The following SMCO2 variants were observed in gnomAD, a reference collection of about 807,000 sequenced individuals.
SMCO2 encodes single-pass membrane and coiled-coil domain-containing protein 2.
In SMCO2, 25 loss-of-function variants were observed where a neutral mutation model predicts 29.5. The ratio of observed to expected loss-of-function variants is 0.85; its 90% CI spans 0.62 to 1.18. The LOEUF is 1.18. SMCO2 is among the 50% of genes most tolerant of loss of function. The pLI is 0.00. For missense variants in SMCO2, 348 were observed against 344.5 expected, an observed-to-expected ratio of 1.01 and a Z score of -0.08; for synonymous variants, 117 against 123.3, an observed-to-expected ratio of 0.95 and a Z score of 0.34.
At chr12:27,464,649 C>G (rs1200176847), upstream of SMCO2, among the ~76,000 whole-genome samples, 1 of 139,696 alleles carries the variant, frequency 7.2e-6, no homozygotes, top group Non-Finnish European at 1.5e-5. Context: ...CCCAGGAGGT[C>G]GAACCTGCAA....
At chr12:27,435,317 C>A in the SMCO2 span, among the ~76,000 whole-genome samples, 1 of 108,044 alleles carries the variant, frequency 9.3e-6, no homozygotes, top group African/African-American at 3.6e-5. Context: ...ATTGTGACAA[C>A]CAAAAATGTC....
chr12:27,437,250 G>A, the SMCO2 span, among the ~76,000 whole-genome samples: 2 of 152,060 alleles, frequency 1.3e-5, no homozygotes, highest in African/African-American at 4.8e-5. Flanking sequence ...CAGCCTGGGT[G>A]ACAGAGAAAG....
intron 1 of SMCO2, 95 bp from the exon 2 acceptor site, chr12:27,470,527 T>A: frequency 7.3e-7 from 1 of 1,375,390 alleles, no homozygotes; most frequent in Non-Finnish European, 9.7e-7. Flanking sequence ...TAAAGCCAAA[T>A]GCCCTGAGGA....
intron 4 of SMCO2, among the ~76,000 whole-genome samples, chr12:27,480,306 T>C (rs1949630783): frequency 6.6e-6 from 1 of 152,124 alleles, no homozygotes; most frequent in Non-Finnish European, 1.5e-5. Context: ...GTCCACTGAC[T>C]CAAATGTCAA....
At chr12:27,441,790 C>A in the SMCO2 span, among the ~76,000 whole-genome samples, 1 of 152,112 alleles carries the variant, frequency 6.6e-6, no homozygotes, top group African/African-American at 2.4e-5. Context: ...TTCATCAGCA[C>A]ATGGAATATT....
upstream of SMCO2, among the ~76,000 whole-genome samples, chr12:27,463,022 C>G (rs995132001): frequency 6.6e-6 from 1 of 152,212 alleles, no homozygotes. Context: ...ATCCCTCCTG[C>G]TGGAGTGGAG....
the SMCO2 span, among the ~76,000 whole-genome samples, chr12:27,453,980 G>T: frequency 6.6e-6 from 1 of 152,146 alleles, no homozygotes; most frequent in East Asian, 1.9e-4. Flanking sequence ...CTTTCTCTAT[G>T]AATCTCTTTT....
chr12:27,495,644 A>AT, intron 6 of SMCO2, 36 bp from the exon 8 acceptor site: 2 of 1,426,620 alleles, frequency 1.4e-6, no homozygotes, highest in South Asian at 1.6e-5. Flanking sequence ...GACATTTAGA[A>AT]TTTTTTTAAG....
chr12:27,499,382 A>C (rs1943050714), intron 7 of SMCO2, among the ~76,000 whole-genome samples: 1 of 150,734 alleles, frequency 6.6e-6, no homozygotes, highest in Non-Finnish European at 1.5e-5. Flanking sequence ...AAAGTAGGAA[A>C]ATCCATATAG....
the SMCO2 span, among the ~76,000 whole-genome samples, chr12:27,432,498 A>G: frequency 2.6e-5 from 4 of 152,226 alleles, no homozygotes; most frequent in Non-Finnish European, 5.9e-5. Context: ...TGAGAGGCTA[A>G]TTTATACAAC....
At chr12:27,435,041 C>T in the SMCO2 span, among the ~76,000 whole-genome samples, 1 of 152,012 alleles carries the variant, frequency 6.6e-6, no homozygotes, top group African/African-American at 2.4e-5. Context: ...CTGGGGTTCC[C>T]TAGCCAGGCA....
chr12:27,488,408 CT>C, intron 4 of SMCO2, 51 bp from the exon 6 acceptor site: 1 of 1,283,040 alleles, frequency 7.8e-7, no homozygotes, highest in Non-Finnish European at 1.0e-6. Flanking sequence ...TACCTCCTCT[CT>C]TGGGTGATTT....
chr12:27,440,329 G>A, the SMCO2 span, among the ~76,000 whole-genome samples: 1 of 152,162 alleles, frequency 6.6e-6, no homozygotes, highest in South Asian at 2.1e-4. Flanking sequence ...ACCAACACCA[G>A]TTCTGTTGTG....
intron 4 of SMCO2, among the ~76,000 whole-genome samples, chr12:27,486,212 A>G (rs1949687835): frequency 6.6e-6 from 1 of 152,172 alleles, no homozygotes; most frequent in Non-Finnish European, 1.5e-5. Context: ...GGCTTTCTCA[A>G]GTGGGAAGAT....
At chr12:27,426,279 T>G in the SMCO2 span, among the ~76,000 whole-genome samples, 2 of 152,186 alleles carry the variant, frequency 1.3e-5, no homozygotes, top group Admixed American at 1.3e-4. Context: ...GACTCAAGTT[T>G]CTGGCCCCAG....
intron 4 of SMCO2, among the ~76,000 whole-genome samples, chr12:27,477,634 C>CTTTTTTTTTTTTTT (rs3051833): frequency 4.6e-5 from 5 of 109,648 alleles, no homozygotes; most frequent in African/African-American, 1.9e-4. Flanking sequence ...CTTTTTCATT[C>CTTTTTTTTTTTTTT]TTTTTTTTTT....
intron 5 of SMCO2, among the ~76,000 whole-genome samples, chr12:27,490,623 A>G (rs1949727408): frequency 6.6e-6 from 1 of 152,184 alleles, no homozygotes; most frequent in South Asian, 2.1e-4. Context: ...ATATATCTAA[A>G]GGTGAAGCTT....
the SMCO2 span, among the ~76,000 whole-genome samples, chr12:27,430,819 T>C: frequency 6.6e-6 from 1 of 152,056 alleles, no homozygotes; most frequent in East Asian, 1.9e-4. Flanking sequence ...GCTTAAGAGT[T>C]AAGTAACTTA....
chr12:27,464,218 GA>G (rs1213852494), upstream of SMCO2, among the ~76,000 whole-genome samples: 2 of 152,158 alleles, frequency 1.3e-5, no homozygotes, highest in East Asian at 1.9e-4. Context: ...ATTTTGAATG[GA>G]AAAAAGGCTG....
Sources: allele counts gnomAD v4.1 joint callset (sites outside exome capture counted in the v4.1 genomes callset), GRCh38; gene constraint gnomAD v4.1.1; transcripts MANE v1.5; gene names NCBI Gene and HGNC (gene_info 2026-07-23, HGNC 2026-07-21).